The following PLS1 variants were observed in gnomAD, a reference collection of about 807,000 sequenced individuals.
The protein encoded by PLS1 is plastin-1.
PLS1 carries 32 observed loss-of-function variants against 73.7 expected under a neutral mutation model. The ratio of observed to expected loss-of-function variants is 0.43; its 90% CI spans 0.33 to 0.58. The LOEUF (loss-of-function observed/expected upper bound fraction) is 0.58. Among genes scored for constraint, PLS1 ranks in the 20% least tolerant of loss-of-function variants. The pLI is 0.04. For synonymous variants in PLS1, 217 were observed against 261.3 expected, an observed-to-expected ratio of 0.83 and a Z score of 1.63; for missense variants, 633 against 740.5, an observed-to-expected ratio of 0.85 and a Z score of 1.68.
intron 14 of PLS1, among the ~76,000 whole-genome samples, chr3:142,707,674 A>G (rs2038491563): frequency 6.6e-6 from 1 of 152,316 alleles, no homozygotes; most frequent in South Asian, 2.1e-4. Flanking sequence ...CATTTATTCC[A>G]TAAATATTCA....
intron 10 of PLS1, among the ~76,000 whole-genome samples, chr3:142,693,484 T>C (rs1022833874): frequency 5.3e-5 from 8 of 152,172 alleles, no homozygotes; most frequent in Non-Finnish European, 7.4e-5. Flanking sequence ...GCCTATAACT[T>C]AGAAGTGATG....
At chr3:142,676,942 T>A (rs1372373251) in intron 5 of PLS1, among the ~76,000 whole-genome samples, 1 of 152,196 alleles carries the variant, frequency 6.6e-6, no homozygotes, top group African/African-American at 2.4e-5. Context: ...CTTCAGTCTT[T>A]TTTTTTATGT....
At chr3:142,596,531 G>C (rs1468419591) in intron 1 of PLS1, 22 bp downstream of exon 1, 1 of 152,664 alleles carries the variant, frequency 6.6e-6, no homozygotes, top group Non-Finnish European at 1.5e-5. Context: ...TGGGGATAGG[G>C]CCCAAAAGGA....
chr3:142,704,634 A>AGTTTTTTTT, intron 14 of PLS1, 48 bp downstream of exon 14: 1 of 527,270 alleles, frequency 1.9e-6, no homozygotes, highest in Non-Finnish European at 3.0e-6. Context: ...TATAGGAAGG[A>AGTTTTTTTT]ATTTTTTTTT....
chr3:142,601,979 A>G (rs1444410667), intron 1 of PLS1, among the ~76,000 whole-genome samples: 1 of 152,180 alleles, frequency 6.6e-6, no homozygotes, highest in East Asian at 1.9e-4. Context: ...TCTTAACAAA[A>G]ATGCAAAGCT....
intron 1 of PLS1, among the ~76,000 whole-genome samples, chr3:142,650,533 T>C (rs975391419): frequency 6.6e-6 from 1 of 152,174 alleles, no homozygotes; most frequent in African/African-American, 2.4e-5. Flanking sequence ...AAAGCCTTGT[T>C]ACGTCTTGTT....
intron 12 of PLS1, among the ~76,000 whole-genome samples, chr3:142,699,697 A>C (rs542779878): frequency 3.9e-5 from 6 of 152,372 alleles, no homozygotes; most frequent in African/African-American, 1.4e-4. Context: ...TACATAACAC[A>C]TACAGAGATG....
At chr3:142,603,975 G>T (rs2035974308) in intron 1 of PLS1, among the ~76,000 whole-genome samples, 1 of 152,120 alleles carries the variant, frequency 6.6e-6, no homozygotes, top group South Asian at 2.1e-4. Flanking sequence ...GGGTGTCACT[G>T]ACCCAAAATA....
chr3:142,628,337 G>A (rs1272387003), intron 1 of PLS1, among the ~76,000 whole-genome samples: 1 of 29,158 alleles, frequency 3.4e-5, no homozygotes, highest in Non-Finnish European at 6.4e-5. Flanking sequence ...TAGTGTGTGT[G>A]TGTGCGCGCA....
intron 1 of PLS1, among the ~76,000 whole-genome samples, chr3:142,659,918 A>G (rs1260344288): frequency 6.6e-6 from 1 of 152,138 alleles, no homozygotes; most frequent in Admixed American, 6.5e-5. Context: ...TTCATCAATT[A>G]AAGCCTCTTT....
chr3:142,622,682 A>T (rs2036338742), intron 1 of PLS1, among the ~76,000 whole-genome samples: 1 of 152,214 alleles, frequency 6.6e-6, no homozygotes, highest in Non-Finnish European at 1.5e-5. Flanking sequence ...TTTATAAGTG[A>T]AACTGTTCTT....
rs2037966064 is a variant in PLS1 at position 142,686,384 on chromosome 3, C to T, written c.981+8C>T. The T allele has an allele frequency of 6.6e-7, 1 of 1,505,160 alleles. No homozygotes were observed. Among genetic ancestry groups the T allele is most frequent in the Non-Finnish European group, 9.2e-7 (1 of 1,081,102 alleles). The allele number at this position is 1,505,160 out of a possible 1,614,324, so 93.2% of individuals were successfully genotyped here. On this transcript the variant is annotated splice_region_variant and intron_variant, in intron 9 of 15. Coordinates refer to ENST00000457734, the MANE Select transcript of PLS1 (RefSeq NM_001145319.2). ...GACCTTTCAGGAATTAATGTGAGTGCAATTTTTAACTTTTAAAATATATTG... is the reference window on the plus strand; with the variant it reads ...GACCTTTCAGGAATTAATGTGAGTGTAATTTTTAACTTTTAAAATATATTG...
chr3:142,613,778 T>G (rs2108550724), intron 1 of PLS1, among the ~76,000 whole-genome samples: 1 of 152,316 alleles, frequency 6.6e-6, no homozygotes, highest in African/African-American at 2.4e-5. Context: ...AAAAGATCTT[T>G]GTACACTTTT....
At chr3:142,618,278 C>T (rs919580985) in intron 1 of PLS1, among the ~76,000 whole-genome samples, 1 of 152,154 alleles carries the variant, frequency 6.6e-6, no homozygotes, top group South Asian at 2.1e-4. Context: ...CACCCTGCTG[C>T]ATCTCCCAAG....
At chr3:142,650,823 G>A (rs183520805) in intron 1 of PLS1, among the ~76,000 whole-genome samples, 4 of 152,330 alleles carry the variant, frequency 2.6e-5, no homozygotes, top group East Asian at 1.9e-4. Context: ...TTTTCCCAGA[G>A]AGCCAGAGAA....
Position 142,633,056 on chromosome 3 carries a change from G to A in PLS1, c.-36-31146G>A, listed in dbSNP as rs367987411. ...ATGGAATATCAGGCAGCCTTTAAAAGAAGGAAATCTTGTCATATGCTACAA... is the reference window on the plus strand; with the variant it reads ...ATGGAATATCAGGCAGCCTTTAAAAAAAGGAAATCTTGTCATATGCTACAA... On this transcript the variant is annotated intron_variant, in intron 1 of 15. Coordinates refer to ENST00000457734, the MANE Select transcript of PLS1 (RefSeq NM_001145319.2). Among the ~76,000 whole-genome samples the A allele has an allele frequency of 5.3e-5, 8 of 152,230 alleles. 1 individual carries two copies. In the East Asian group the frequency reaches 1.3e-3, roughly 26 times the overall value.
intron 1 of PLS1, among the ~76,000 whole-genome samples, chr3:142,598,406 A>T (rs111566796): frequency 0.018 from 2,682 of 152,282 alleles, 29 homozygotes; most frequent in South Asian, 0.041. Context: ...GGGGAAGGCC[A>T]TGTTAGAGCT....
At chr3:142,618,522 C>T (rs2036254435) in intron 1 of PLS1, among the ~76,000 whole-genome samples, 1 of 152,170 alleles carries the variant, frequency 6.6e-6, no homozygotes, top group African/African-American at 2.4e-5. Flanking sequence ...TCTGGAGGCT[C>T]TAGGGGAGAA....
At chr3:142,598,740 G>A (rs1002021918) in intron 1 of PLS1, among the ~76,000 whole-genome samples, 6 of 152,206 alleles carry the variant, frequency 3.9e-5, no homozygotes, top group African/African-American at 1.4e-4. Context: ...GCTCACGCCT[G>A]TAATCCCAGC....
Sources: gnomAD v4.1 joint callset for allele counts (sites outside exome capture counted in the v4.1 genomes callset) on GRCh38, gnomAD v4.1.1 for gene constraint, MANE v1.5 for transcripts, NCBI Gene and HGNC (gene_info 2026-07-23, HGNC 2026-07-21) for gene names.